Variants in KLF12 observed in about 807,000 individuals in gnomAD.
KLF12 encodes the protein KLF transcription factor 12.
In KLF12, 9 loss-of-function variants were observed where a neutral mutation model predicts 37.8. The ratio of observed to expected loss-of-function variants is 0.24; its 90% CI spans 0.14 to 0.42. The LOEUF is 0.42. KLF12 is among the 10% of genes least tolerant of loss of function. The pLI is 1.00. For synonymous variants in KLF12, 208 were observed against 202.1 expected, an observed-to-expected ratio of 1.03 and a Z score of -0.25; for missense variants, 411 against 516.0, an observed-to-expected ratio of 0.80 and a Z score of 1.97.
chr13:74,121,458 T>TAAACA (rs879525876), intron 1 of KLF12, among the ~76,000 whole-genome samples: 2 of 151,896 alleles, frequency 1.3e-5, no homozygotes, highest in Non-Finnish European at 2.9e-5. Context: ...ATTATCCCAT[T>TAAACA]AAACAAAACA....
At chr13:74,274,979 A>G in the KLF12 span, among the ~76,000 whole-genome samples, 40 of 152,204 alleles carry the variant, frequency 2.6e-4, no homozygotes, top group African/African-American at 9.4e-4. Context: ...GCCTGTTTAC[A>G]CCCCAAGATT....
chr13:73,922,422 C>T (rs1427271819), intron 3 of KLF12, among the ~76,000 whole-genome samples: 2 of 152,158 alleles, frequency 1.3e-5, no homozygotes, highest in Admixed American at 1.3e-4. Flanking sequence ...AGCTGCACAG[C>T]CAAAGAGAAA....
chr13:73,910,735 C>G (rs1252402571), intron 3 of KLF12, among the ~76,000 whole-genome samples: 1 of 152,134 alleles, frequency 6.6e-6, no homozygotes, highest in Non-Finnish European at 1.5e-5. Flanking sequence ...TATTTGTCCC[C>G]TCCAAAACTC....
intron 1 of KLF12, among the ~76,000 whole-genome samples, chr13:74,057,464 C>T (rs1873311500): frequency 6.6e-6 from 1 of 152,144 alleles, no homozygotes; most frequent in African/African-American, 2.4e-5. Context: ...CAAAAGCAAT[C>T]GAAACGATGG....
intron 5 of KLF12, 23 bp downstream of exon 5, chr13:73,813,129 C>T: frequency 6.2e-7 from 1 of 1,611,014 alleles, no homozygotes; most frequent in Non-Finnish European, 8.5e-7. Context: ...ATTCTTAATT[C>T]ATCCTGTGAA....
the KLF12 span, among the ~76,000 whole-genome samples, chr13:74,178,944 C>G: frequency 6.6e-6 from 1 of 152,088 alleles, no homozygotes; most frequent in South Asian, 2.1e-4. Flanking sequence ...TTCTTTTTAC[C>G]TTTTAAAAAT....
intron 7 of KLF12, among the ~76,000 whole-genome samples, chr13:73,711,536 T>C (rs1009943348): frequency 6.6e-6 from 1 of 152,162 alleles, no homozygotes; most frequent in African/African-American, 2.4e-5. Flanking sequence ...GCTTGTGCTG[T>C]ATAAATGTAA....
chr13:73,812,386 C>CA (rs11354700), intron 5 of KLF12, among the ~76,000 whole-genome samples: 3,452 of 148,936 alleles, frequency 0.023, 55 homozygotes, highest in African/African-American at 0.033. Flanking sequence ...TGCATTCTCA[C>CA]AAAAAAAAAA....
rs555276609 is a variant in KLF12, at chr13:74,063,834, C to CA, written c.-31-68782dup. 3.3e-5 allele frequency among the ~76,000 whole-genome samples: 5 copies of CA among 152,080 alleles called. No homozygotes were observed. In the East Asian group the frequency reaches 7.7e-4, roughly 23 times the overall value. ...TCCTTTTGTAATTACCACATACTAGCAAAAAAATACTGCAAGAAAACTAGA... is the reference window on the plus strand; with the variant it reads ...TCCTTTTGTAATTACCACATACTAGCAAAAAAAATACTGCAAGAAAACTAGA... On this transcript the variant is annotated intron_variant, in intron 1 of 7. Transcript: ENST00000377669.
chr13:73,833,500 T>C (rs1321361078), intron 4 of KLF12, among the ~76,000 whole-genome samples: 1 of 152,202 alleles, frequency 6.6e-6, no homozygotes, highest in East Asian at 1.9e-4. Context: ...GGGGATGGTA[T>C]TCACTCATTC....
At chr13:74,212,937 T>A in the KLF12 span, among the ~76,000 whole-genome samples, 2 of 151,926 alleles carry the variant, frequency 1.3e-5, no homozygotes, top group Non-Finnish European at 2.9e-5. Context: ...AAGGACATGT[T>A]TTTCAGAAAG....
At chr13:74,298,495 G>A in the KLF12 span, among the ~76,000 whole-genome samples, 1 of 152,220 alleles carries the variant, frequency 6.6e-6, no homozygotes, top group Admixed American at 6.5e-5. Flanking sequence ...GGCAGATACA[G>A]AATGCCTCCA....
the KLF12 span, among the ~76,000 whole-genome samples, chr13:74,254,588 A>T: frequency 6.6e-6 from 1 of 152,206 alleles, no homozygotes; most frequent in African/African-American, 2.4e-5. Flanking sequence ...AAAGCCCATG[A>T]TCACAACCAT....
the KLF12 span, among the ~76,000 whole-genome samples, chr13:74,254,219 A>G: frequency 6.6e-6 from 1 of 152,108 alleles, no homozygotes; most frequent in Non-Finnish European, 1.5e-5. Flanking sequence ...CATAGTCTTT[A>G]CTGATTGGAG....
chr13:73,898,279 C>G (rs561945204), intron 3 of KLF12, among the ~76,000 whole-genome samples: 2 of 152,054 alleles, frequency 1.3e-5, no homozygotes, highest in African/African-American at 4.8e-5. Flanking sequence ...GGTAATTAAC[C>G]GATGTTAAAC....
At chr13:74,165,480 G>A in the KLF12 span, among the ~76,000 whole-genome samples, 1 of 151,812 alleles carries the variant, frequency 6.6e-6, no homozygotes, top group South Asian at 2.1e-4. Flanking sequence ...TGTACTTTTA[G>A]TAGAGATGGG....
In KLF12 at chr13:73,947,933, G is replaced by A. The variant is rs181448453; in HGVS notation, c.34-3863C>T. 1.5e-3 allele frequency among the ~76,000 whole-genome samples: 226 copies of A among 152,228 alleles called. 1 individual carries two copies. Among genetic ancestry groups the A allele is most frequent in the Non-Finnish European group, 3.5e-4 (24 of 68,014 alleles). ...CCTTGACTCATTTTGCACAAATGGA[G>A]TAATAAGGAGCTAGCTAGGCAATAC... On this transcript the variant is annotated intron_variant, in intron 2 of 7. Coordinates refer to ENST00000377669, the MANE Select transcript of KLF12 (RefSeq NM_007249.5).
intron 1 of KLF12, 70 bp from the exon 2 acceptor site, chr13:73,995,123 A>G: frequency 1.1e-6 from 1 of 927,348 alleles, no homozygotes. Flanking sequence ...TCCTTTGGGG[A>G]AAAAAATACA....
intron 1 of KLF12, among the ~76,000 whole-genome samples, chr13:74,048,086 C>T (rs1490765708): frequency 2.0e-5 from 3 of 152,168 alleles, no homozygotes; most frequent in Non-Finnish European, 2.9e-5. Context: ...CCAGCTGTCA[C>T]ACCCACATTC....
Sources: allele counts gnomAD v4.1 joint callset (sites outside exome capture counted in the v4.1 genomes callset), GRCh38; gene constraint gnomAD v4.1.1; transcripts MANE v1.5; gene names NCBI Gene and HGNC (gene_info 2026-07-23, HGNC 2026-07-21).